ADAM10: variants seen among roughly 807,000 people sequenced by gnomAD.
ADAM10 encodes ADAM metallopeptidase domain 10.
In ADAM10, 17 loss-of-function variants were observed where a neutral mutation model predicts 90.1. That is an observed-to-expected ratio of 0.19 (90% CI 0.13 to 0.28). ADAM10 has a LOEUF of 0.28. Ranked by LOEUF, ADAM10 falls within the 10% of genes least tolerant of loss-of-function variation. The probability of loss-of-function intolerance (pLI) is 1.00; values close to 1 mark genes in which losing one functional copy is unlikely to be tolerated. For missense variants in ADAM10, 610 were observed against 914.3 expected (o/e 0.67, Z 4.29); for synonymous variants, 310 against 298.6 (o/e 1.04, Z -0.40).
At chr15:58,678,176 A>G (rs1182360764) in intron 4 of ADAM10, among the ~76,000 whole-genome samples, 1 of 152,212 alleles carries the variant, frequency 6.6e-6, no homozygotes, top group Non-Finnish European at 1.5e-5. Context: ...AAAATCATAA[A>G]TGCATCCTAC....
chr15:58,621,860 A>G (rs1432779174), intron 10 of ADAM10, among the ~76,000 whole-genome samples: 1 of 152,190 alleles, frequency 6.6e-6, no homozygotes. Flanking sequence ...GATTTGACAG[A>G]GGGTCCCTTC....
chr15:58,736,141 T>C (rs1001038100), intron 1 of ADAM10, among the ~76,000 whole-genome samples: 3 of 152,144 alleles, frequency 2.0e-5, no homozygotes, highest in Non-Finnish European at 4.4e-5. Context: ...TTATCCTTAT[T>C]AACATCTTCA....
At chr15:58,647,614 T>C (rs1306922970) in intron 5 of ADAM10, among the ~76,000 whole-genome samples, 2 of 152,130 alleles carry the variant, frequency 1.3e-5, no homozygotes, top group Non-Finnish European at 2.9e-5. Flanking sequence ...AGTGGCATGA[T>C]CACAGCTCAA....
intron 10 of ADAM10, among the ~76,000 whole-genome samples, chr15:58,623,362 G>A (rs1895845093): frequency 6.6e-6 from 1 of 152,174 alleles, no homozygotes; most frequent in South Asian, 2.1e-4. Flanking sequence ...GGCCCCCAGG[G>A]ATGTTGCTGT....
chr15:58,718,455 A>C (rs1344153390), intron 1 of ADAM10, among the ~76,000 whole-genome samples: 1 of 79,206 alleles, frequency 1.3e-5, no homozygotes, highest in East Asian at 3.9e-4. Flanking sequence ...TATCTTTGTC[A>C]AGTTTTGGTA....
intron 4 of ADAM10, among the ~76,000 whole-genome samples, chr15:58,675,105 G>A (rs1258584634): frequency 6.6e-6 from 1 of 152,236 alleles, no homozygotes; most frequent in East Asian, 1.9e-4. Flanking sequence ...GGCTGAGGCA[G>A]GAGAATCACC....
chr15:58,707,728 T>C (rs1188663472), intron 2 of ADAM10, among the ~76,000 whole-genome samples: 2 of 152,188 alleles, frequency 1.3e-5, no homozygotes, highest in Admixed American at 6.5e-5. Context: ...CTATAAACAC[T>C]TTCCAACCTC....
chr15:58,735,793 T>C (rs550115293), intron 1 of ADAM10, among the ~76,000 whole-genome samples: 2 of 152,308 alleles, frequency 1.3e-5, no homozygotes, highest in African/African-American at 4.8e-5. Context: ...ATCACAGAAG[T>C]GCGTTATGAA....
At chr15:58,649,302 C>T (rs1896627693) in intron 5 of ADAM10, among the ~76,000 whole-genome samples, 1 of 152,096 alleles carries the variant, frequency 6.6e-6, no homozygotes, top group South Asian at 2.1e-4. Context: ...ACTTAAATTA[C>T]ATTTTTCTCA....
In ADAM10 at chr15:58,611,958, A is replaced by G; in HGVS notation, c.1545T>C (p.Cys515=). Residue 515 remains cysteine (C), a synonymous_variant, in exon 12 of 16, where the codon TGT becomes TGC. Coordinates refer to ENST00000260408, the MANE Select transcript of ADAM10 (RefSeq NM_001110.4). ...ACTTCTCAGACTTTGACTTGAATGCACACTGTGCTGTACAACAAGGACCTT... is the reference window on the plus strand; with the variant it reads ...ACTTCTCAGACTTTGACTTGAATGCGCACTGTGCTGTACAACAAGGACCTT... ...PSQGPCCTAQ[C]AFKSKSEKCR... 6.2e-7 allele frequency: 1 copy of G among 1,614,184 alleles called. No homozygotes were observed. Among genetic ancestry groups the G allele is most frequent in the Non-Finnish European group, 8.5e-7 (1 of 1,180,036 alleles).
chr15:58,677,106 A>G (rs1217931094), intron 4 of ADAM10, among the ~76,000 whole-genome samples: 1 of 152,222 alleles, frequency 6.6e-6, no homozygotes, highest in East Asian at 1.9e-4. Flanking sequence ...GTTTTTCACA[A>G]GTAATTGTCT....
chr15:58,723,301 G>A (rs891269193), intron 1 of ADAM10, among the ~76,000 whole-genome samples: 4 of 151,978 alleles, frequency 2.6e-5, no homozygotes, highest in African/African-American at 7.3e-5. Context: ...CTGCAGAAAC[G>A]TGAATAAAAC....
At chr15:58,656,100 AT>A (rs1178357537) in intron 5 of ADAM10, among the ~76,000 whole-genome samples, 2 of 151,992 alleles carry the variant, frequency 1.3e-5, no homozygotes, top group Admixed American at 6.6e-5. Flanking sequence ...TTGTCCTGAA[AT>A]CTATTTTGAC....
chr15:58,660,413 T>C (rs1896938176), intron 5 of ADAM10, among the ~76,000 whole-genome samples: 1 of 152,064 alleles, frequency 6.6e-6, no homozygotes, highest in African/African-American at 2.4e-5. Flanking sequence ...TTTACGCTCA[T>C]TTGGTCTTTT....
chr15:58,707,089 G>GAA (rs112128259), intron 2 of ADAM10, among the ~76,000 whole-genome samples: 1 of 111,012 alleles, frequency 9.0e-6, no homozygotes, highest in East Asian at 2.3e-4. Flanking sequence ...TTTGGGGGGG[G>GAA]GAAAAAAGCT....
intron 2 of ADAM10, among the ~76,000 whole-genome samples, chr15:58,704,915 A>G (rs1898236459): frequency 6.6e-6 from 1 of 152,222 alleles, no homozygotes. Context: ...AATGCCTCTC[A>G]AGCATATGAT....
intron 1 of ADAM10, among the ~76,000 whole-genome samples, chr15:58,745,204 C>T (rs1175685981): frequency 6.6e-6 from 1 of 152,094 alleles, no homozygotes; most frequent in Non-Finnish European, 1.5e-5. Flanking sequence ...AGTGTATTCC[C>T]AGAGTTTGTT....
At chr15:58,694,286 A>T (rs1235537310) in intron 2 of ADAM10, among the ~76,000 whole-genome samples, 1 of 152,160 alleles carries the variant, frequency 6.6e-6, no homozygotes, top group East Asian at 1.9e-4. Flanking sequence ...CCCCGTCTGT[A>T]CTAAACATAC....
intron 2 of ADAM10, among the ~76,000 whole-genome samples, chr15:58,694,542 C>T (rs1382406572): frequency 6.6e-6 from 1 of 151,860 alleles, no homozygotes; most frequent in Non-Finnish European, 1.5e-5. Flanking sequence ...CCATCTAAAA[C>T]AAACAAACAA....
Sources: allele counts gnomAD v4.1 joint callset (sites outside exome capture counted in the v4.1 genomes callset), GRCh38; gene constraint gnomAD v4.1.1; transcripts MANE v1.5; gene names NCBI Gene and HGNC (gene_info 2026-07-23, HGNC 2026-07-21).